The following LIAS variants were observed in gnomAD, a reference collection of about 807,000 sequenced individuals.
The protein encoded by LIAS is lipoic acid synthetase.
A neutral mutation model predicts 49.4 loss-of-function variants in LIAS; 36 were observed. The observed-to-expected ratio is 0.73, with a 90% CI of 0.56 to 0.96. The LOEUF is 0.96. Among genes scored for constraint, LIAS ranks in the 40% least tolerant of loss-of-function variants. LIAS has a pLI of 0.00. For missense variants in LIAS, 399 were observed against 456.3 expected (o/e 0.87, Z 1.14); for synonymous variants, 145 against 155.8 (o/e 0.93, Z 0.52).
At chr4:39,462,996 A>G (rs1371159890) in intron 3 of LIAS, among the ~76,000 whole-genome samples, 1 of 152,102 alleles carries the variant, frequency 6.6e-6, no homozygotes, top group East Asian at 1.9e-4. Flanking sequence ...AAAAATAAAA[A>G]TTCAAGTCTG....
At chr4:39,462,359 A>G (rs902185785) in intron 3 of LIAS, 70 bp downstream of exon 3, 24 of 519,188 alleles carry the variant, frequency 4.6e-5, no homozygotes, top group Non-Finnish European at 7.5e-5. Context: ...TAACTTAAAA[A>G]TTATTAATAA....
At chr4:39,461,185 C>T (rs534230648) in intron 2 of LIAS, among the ~76,000 whole-genome samples, 60 of 152,240 alleles carry the variant, frequency 3.9e-4, no homozygotes, top group African/African-American at 8.4e-4. Flanking sequence ...CTGCCATCTC[C>T]CCATTTTCTA....
chr4:39,464,218 C>T (rs1744668820), intron 4 of LIAS: 1 of 151,922 alleles, frequency 6.6e-6, no homozygotes, highest in Non-Finnish European at 1.5e-5. Flanking sequence ...TGCCTGTATA[C>T]CCAACTTCTG....
rs33922485 is a variant in LIAS at position 39,470,936 on chromosome 4, C to CCAAA, written c.884-298_884-297insAACA. Reference sequence around the variant, plus strand: ...TATACCATTTCCCATACCTTTTCTACCAGACTCCTACTCTAAAATACCCTC... The same window carrying CCAAA: ...TATACCATTTCCCATACCTTTTCTACCAAACAGACTCCTACTCTAAAATACCCTC... On this transcript the variant is annotated intron_variant, in intron 8 of 10. Transcript: ENST00000640888. Among the ~76,000 whole-genome samples, 57,594 of 151,694 alleles carry CCAAA rather than the reference C, an allele frequency of 0.38. 11,157 individuals are homozygous for CCAAA. The highest frequency in any genetic ancestry group is 0.45 in the African/African-American group (18,400 of 41,308).
chr4:39,470,391 C>T (rs897114354), intron 8 of LIAS, among the ~76,000 whole-genome samples: 6 of 151,734 alleles, frequency 4.0e-5, no homozygotes, highest in African/African-American at 7.3e-5. Context: ...ATATGCATGA[C>T]GCTCAGGATA....
chr4:39,469,965 A>C (rs1304547161), intron 7 of LIAS, 54 bp from the exon 8 acceptor site: 2 of 1,555,632 alleles, frequency 1.3e-6, no homozygotes, highest in South Asian at 2.3e-5. Context: ...TTGCATAACT[A>C]TGTACTTGGT....
chr4:39,463,213 G>C (rs533719743), intron 3 of LIAS, among the ~76,000 whole-genome samples: 20 of 151,572 alleles, frequency 1.3e-4, no homozygotes, highest in Admixed American at 1.2e-3. Flanking sequence ...AGCCTTCTGA[G>C]TAGCTGGGAG....
At chr4:39,464,907 A>G in intron 4 of LIAS, 139 bp from the exon 5 acceptor site, 1 of 606,706 alleles carries the variant, frequency 1.6e-6, no homozygotes, top group South Asian at 2.3e-5. Flanking sequence ...CTTGACTATC[A>G]TTTAGTTTTG....
At chr4:39,462,950 G>A (rs1560666770) in intron 3 of LIAS, among the ~76,000 whole-genome samples, 1 of 152,200 alleles carries the variant, frequency 6.6e-6, no homozygotes, top group Non-Finnish European at 1.5e-5. Context: ...TGGCACCACT[G>A]CACTCCAGCC....
At chr4:39,476,853 C>G (rs1745211010) in intron 10 of LIAS, 2 of 501,644 alleles carry the variant, frequency 4.0e-6, no homozygotes, top group South Asian at 4.8e-5. Context: ...GTAGGAGACT[C>G]TAGTCATTAT....
intron 7 of LIAS, 152 bp downstream of exon 7, chr4:39,467,798 T>C (rs1179652419): frequency 1.7e-6 from 1 of 600,816 alleles, no homozygotes; most frequent in Non-Finnish European, 2.6e-6. Flanking sequence ...CTATGTCTCT[T>C]ACATAAAAAT....
intron 3 of LIAS, among the ~76,000 whole-genome samples, 191 bp downstream of exon 3, chr4:39,462,480 C>T (rs986853302): frequency 1.3e-5 from 2 of 151,870 alleles, no homozygotes; most frequent in Admixed American, 6.6e-5. Context: ...TTTTGCCCTA[C>T]GAGTTTGGAA....
At chr4:39,469,453 G>A (rs1413896177) in intron 7 of LIAS, 1 of 152,174 alleles carries the variant, frequency 6.6e-6, no homozygotes, top group Non-Finnish European at 1.5e-5. Context: ...GGCCATTGTT[G>A]AAGTCTAGGA....
In LIAS at chr4:39,462,189, T is replaced by A; in HGVS notation, c.219-7T>A. The A allele has an allele frequency of 7.0e-7, 1 of 1,432,488 alleles. No homozygotes were observed. The highest frequency in any genetic ancestry group is 9.4e-7 in the Non-Finnish European group (1 of 1,061,156). The allele number at this position is 1,432,488 out of a possible 1,614,324, so 88.7% of individuals were successfully genotyped here. A position where few individuals can be genotyped will look rare whatever the true frequency, so the allele number is the denominator to read the frequency against. ...GTTAATAGATAGTTATGTTTGGCTT[T>A]CCTTAGGTTAAGACTACCTCCATGG... On this transcript the variant is annotated splice_region_variant and splice_polypyrimidine_tract_variant and intron_variant, in intron 2 of 10. Coordinates refer to ENST00000640888, the MANE Select transcript of LIAS (RefSeq NM_006859.4).
rs932997845 is a variant in LIAS, at chr4:39,477,240, T to A, written c.*125T>A. On this transcript the variant is annotated 3_prime_UTR_variant, in exon 11 of 11. Coordinates refer to ENST00000640888, the MANE Select transcript of LIAS (RefSeq NM_006859.4). ...CCACCTCTTTGCTTAAAAAAAAAAA[T>A]GTCAATAGCCAGGCATAGTGGCTCA... 14 of 708,898 alleles carry A rather than the reference T, an allele frequency of 2.0e-5. No individual in the cohort carries two copies. In the East Asian group the frequency reaches 2.7e-4, roughly 14 times the overall value. The allele number at this position is 708,898 out of a possible 1,614,324, so 43.9% of individuals were successfully genotyped here.
Position 39,479,500 on chromosome 4 carries a change from T to G in LIAS, c.*2385T>G, listed in dbSNP as rs1230300415. The G allele has an allele frequency of 3.4e-5, 3 of 87,142 alleles. No individual in the cohort carries two copies. The highest frequency in any genetic ancestry group is 4.1e-5 in the African/African-American group (1 of 24,364). 5.4% of individuals were successfully genotyped at this position (87,142 alleles called of 1,614,324 possible). ...ATTGCACTCCAGCCTGGACAACGAG[T>G]GAAACTCCTCAAAAAAAAAAAAAAA... On this transcript the variant is annotated 3_prime_UTR_variant, in exon 11 of 11. Transcript: ENST00000640888.
Position 39,459,224 on chromosome 4 carries a change from C to G in LIAS, c.45+62C>G. On this transcript the variant is annotated intron_variant, in intron 1 of 10. Coordinates refer to ENST00000640888, the MANE Select transcript of LIAS (RefSeq NM_006859.4). The stretch of plus-strand genomic sequence containing the variant: ...GGGGGATCCTATCCCTTCAGAGCGC[C>G]CATGCCCAATAATAAAGGCCAGTGC... 8 of 1,476,928 alleles carry G rather than the reference C, an allele frequency of 5.4e-6. No homozygotes were observed. In the South Asian group the frequency reaches 5.8e-5, roughly 11 times the overall value. 91.5% of individuals were successfully genotyped at this position (1,476,928 alleles called of 1,614,324 possible).
chr4:39,468,500 A>ATATATAT (rs1397366931), intron 7 of LIAS: 2 of 122,130 alleles, frequency 1.6e-5, no homozygotes, highest in African/African-American at 6.1e-5. Context: ...AAGGAAAAAA[A>ATATATAT]AAATATATAT....
chr4:39,476,123 T>TG (rs1033336887), intron 10 of LIAS: 19 of 152,220 alleles, frequency 1.2e-4, no homozygotes, highest in African/African-American at 4.3e-4. Flanking sequence ...GTTTTTCTTT[T>TG]GCTAAAGAAA....
Sources: allele counts gnomAD v4.1 joint callset (sites outside exome capture counted in the v4.1 genomes callset), GRCh38; gene constraint gnomAD v4.1.1; transcripts MANE v1.5; gene names NCBI Gene and HGNC (gene_info 2026-07-23, HGNC 2026-07-21).